Variants in SUFU observed in about 807,000 individuals in gnomAD.
SUFU encodes suppressor of fused homolog.
In SUFU, 7 loss-of-function variants were observed where a neutral mutation model predicts 58.9. That is an observed-to-expected ratio of 0.12 (90% CI 0.07 to 0.22). The LOEUF is 0.22. Ranked by LOEUF, SUFU falls within the 10% of genes least tolerant of loss-of-function variation. The pLI is 1.00. For synonymous variants in SUFU, 232 were observed against 254.8 expected (o/e 0.91, Z 0.85); for missense variants, 451 against 641.3 (o/e 0.70, Z 3.20).
At chr10:102,549,251 G>A (rs1412550680) in intron 2 of SUFU, among the ~76,000 whole-genome samples, 1 of 152,180 alleles carries the variant, frequency 6.6e-6, no homozygotes, top group African/African-American at 2.4e-5. Context: ...AGGAAAATAG[G>A]TTTAATTGAC....
intron 8 of SUFU, among the ~76,000 whole-genome samples, chr10:102,609,092 C>T (rs1480048206): frequency 6.6e-6 from 1 of 152,158 alleles, no homozygotes. Flanking sequence ...ATTATAGTTA[C>T]TTTTGGGGTT....
rs1460710394 is a variant in SUFU, at chr10:102,504,113, G to T, written c.-40G>T. On this transcript the variant is annotated 5_prime_UTR_variant, in exon 1 of 12. Transcript: ENST00000369902. Reference sequence around the variant, plus strand: ...CCCGTCAGTGCTCTCCCCGTCGTTTGCCCTCTCCAGTTCCCCCAGTGCCTG... The same window carrying T: ...CCCGTCAGTGCTCTCCCCGTCGTTTTCCCTCTCCAGTTCCCCCAGTGCCTG... 5 of 1,524,180 alleles carry T rather than the reference G, an allele frequency of 3.3e-6. No homozygotes were observed. Among genetic ancestry groups the T allele is most frequent in the East Asian group, 2.5e-5 (1 of 40,732 alleles). 94.4% of individuals were successfully genotyped at this position (1,524,180 alleles called of 1,614,324 possible).
intron 3 of SUFU, among the ~76,000 whole-genome samples, chr10:102,580,950 G>A (rs1004135411): frequency 8.6e-5 from 13 of 152,036 alleles, no homozygotes; most frequent in African/African-American, 3.1e-4. Context: ...GGGAGGCCGA[G>A]ACAGGTGGAT....
chr10:102,587,680 G>A (rs2063348561), intron 3 of SUFU, among the ~76,000 whole-genome samples: 1 of 152,130 alleles, frequency 6.6e-6, no homozygotes. Flanking sequence ...TTTTAGTGGA[G>A]ACGGGGTTTC....
intron 3 of SUFU, among the ~76,000 whole-genome samples, chr10:102,561,423 G>A (rs1390962950): frequency 1.3e-5 from 2 of 152,088 alleles, no homozygotes; most frequent in East Asian, 3.9e-4. Flanking sequence ...AGGCTGGAGT[G>A]CAGTGGTATG....
At chr10:102,606,286 G>A (rs1458357546) in intron 8 of SUFU, among the ~76,000 whole-genome samples, 3 of 152,194 alleles carry the variant, frequency 2.0e-5, no homozygotes, top group Admixed American at 6.5e-5. Context: ...GGTTAAAGAT[G>A]AAATAGATCA....
chr10:102,554,591 T>C (rs1302261809), intron 3 of SUFU, among the ~76,000 whole-genome samples: 1 of 152,232 alleles, frequency 6.6e-6, no homozygotes, highest in Non-Finnish European at 1.5e-5. Flanking sequence ...TTTTCTTTTG[T>C]TTGATTTCAC....
chr10:102,518,693 T>C (rs1050871253), intron 2 of SUFU, among the ~76,000 whole-genome samples: 2 of 152,052 alleles, frequency 1.3e-5, no homozygotes, highest in Admixed American at 6.5e-5. Context: ...ACTGCAGGCA[T>C]GCACCATCAT....
At chr10:102,505,748 C>T (rs951148431) in intron 1 of SUFU, among the ~76,000 whole-genome samples, 6 of 152,172 alleles carry the variant, frequency 3.9e-5, no homozygotes, top group South Asian at 2.1e-4. Context: ...GAACTGGTGT[C>T]GCAGTCCTCT....
intron 2 of SUFU, among the ~76,000 whole-genome samples, chr10:102,545,478 G>A (rs1431713148): frequency 6.6e-6 from 1 of 151,888 alleles, no homozygotes; most frequent in Admixed American, 6.6e-5. Context: ...TGGAATTGCT[G>A]GATCATATGG....
At chr10:102,524,855 T>C (rs1038244720) in intron 2 of SUFU, among the ~76,000 whole-genome samples, 1 of 152,210 alleles carries the variant, frequency 6.6e-6, no homozygotes, top group Non-Finnish European at 1.5e-5. Context: ...ATGAATAAAA[T>C]GGAGGAAGCT....
intron 2 of SUFU, among the ~76,000 whole-genome samples, chr10:102,539,210 T>C (rs1231500592): frequency 6.6e-6 from 1 of 152,238 alleles, no homozygotes; most frequent in Non-Finnish European, 1.5e-5. Flanking sequence ...TTCAAATGTT[T>C]CCTCAATCTT....
In SUFU at chr10:102,619,339, A is replaced by C; in HGVS notation, c.1296+1911A>C. ...CCCCTCAGCGAGCCTGAGGCCCAGC[A>C]CCCGCTGGCTCCCCAGCACATGGTC... On this transcript the variant is annotated intron_variant, in intron 10 of 11. Transcript: ENST00000369902. This position sits in a 1 kb window ranked among gnomAD's most constrained non-coding sequence, Gnocchi z 4.2. 3 of 1,421,758 alleles carry C rather than the reference A, an allele frequency of 2.1e-6. No individual in the cohort carries two copies. The highest frequency in any genetic ancestry group is 2.7e-6 in the Non-Finnish European group (3 of 1,091,064). The allele number at this position is 1,421,758 out of a possible 1,614,324, so 88.1% of individuals were successfully genotyped here.
chr10:102,606,217 A>AT (rs1300539386), intron 8 of SUFU, among the ~76,000 whole-genome samples: 1 of 152,230 alleles, frequency 6.6e-6, no homozygotes, highest in Non-Finnish European at 1.5e-5. Flanking sequence ...ATTAGGATCT[A>AT]TAAAAAGTCA....
intron 2 of SUFU, among the ~76,000 whole-genome samples, chr10:102,530,005 C>G (rs572511620): frequency 6.6e-6 from 1 of 151,944 alleles, no homozygotes; most frequent in Non-Finnish European, 1.5e-5. Context: ...AGGGCACTTG[C>G]TAGGTGCCAG....
chr10:102,629,265 G>A lies in SUFU; in HGVS notation c.1366-801G>A, dbSNP rs2063816459. Among the ~76,000 whole-genome samples, 1 of 152,208 alleles carries A rather than the reference G, an allele frequency of 6.6e-6. No homozygotes were observed. Among genetic ancestry groups the A allele is most frequent in the South Asian group, 2.1e-4 (1 of 4,834 alleles). ...GCCAGACTGCATGCAAAGTTCTACA[G>A]TAAAGAGGGAATAAGAGGCATCAGC... On this transcript the variant is annotated intron_variant, in intron 11 of 11. Transcript: ENST00000369902. This position sits in a 1 kb window ranked among gnomAD's most constrained non-coding sequence, Gnocchi z 4.7.
chr10:102,524,467 AGGCACGT>A (rs2062587615), intron 2 of SUFU, among the ~76,000 whole-genome samples: 2 of 151,590 alleles, frequency 1.3e-5, no homozygotes, highest in South Asian at 4.2e-4. Context: ...CTGGGACTAC[AGGCACGT>A]GCCACCACAC....
chr10:102,562,938 C>A (rs995700845), intron 3 of SUFU, among the ~76,000 whole-genome samples: 1 of 152,178 alleles, frequency 6.6e-6, no homozygotes, highest in Non-Finnish European at 1.5e-5. Flanking sequence ...TAGGTACTTA[C>A]CTTCTCTTAT....
At position 102,632,951 on chromosome 10, in the gene SUFU, C is replaced by T. The variant is rs912496445; in HGVS notation, c.*2796C>T. The stretch of plus-strand genomic sequence containing the variant: ...TGGGGAGCTGGTGCCTCTTCCTGCC[C>T]GTATCTTTCTCTTCCAAGGGCAGTG... On this transcript the variant is annotated 3_prime_UTR_variant, in exon 12 of 12. Coordinates refer to ENST00000369902, the MANE Select transcript of SUFU (RefSeq NM_016169.4). 2.1e-5 allele frequency: 5 copies of T among 233,322 alleles called. No individual in the cohort carries two copies. The highest frequency in any genetic ancestry group is 5.6e-5 in the Admixed American group (1 of 17,780). 14.5% of individuals were successfully genotyped at this position (233,322 alleles called of 1,614,324 possible). A position where few individuals can be genotyped will look rare whatever the true frequency, so the allele number is the denominator to read the frequency against.
Sources: gnomAD v4.1 joint callset for allele counts (sites outside exome capture counted in the v4.1 genomes callset) on GRCh38, gnomAD v4.1.1 for gene constraint, Gnocchi (gnomAD v3.1) non-coding constraint, MANE v1.5 for transcripts, NCBI Gene and HGNC (gene_info 2026-07-23, HGNC 2026-07-21) for gene names.